The following ABTB3 variants were observed in gnomAD, a reference collection of about 807,000 sequenced individuals.
The protein encoded by ABTB3 is ankyrin repeat- and BTB/POZ domain-containing protein 3.
chr12:107,479,381 C>T, the ABTB3 span, among the ~76,000 whole-genome samples: 1,144 of 151,932 alleles, frequency 7.5e-3, 24 homozygotes, highest in African/African-American at 0.026. Context: ...AATCCCAGCT[C>T]AGCTCTGTGA....
the ABTB3 span, among the ~76,000 whole-genome samples, chr12:107,330,189 C>G: frequency 6.6e-6 from 1 of 152,064 alleles, no homozygotes; most frequent in African/African-American, 2.4e-5. Flanking sequence ...AGGGAGGGAG[C>G]CTGGTAGAGG....
chr12:107,650,119 C>T, the ABTB3 span: 3 of 152,180 alleles, frequency 2.0e-5, no homozygotes, highest in Non-Finnish European at 4.4e-5. Context: ...AAGAGCAGAC[C>T]TCACACAGTG....
the ABTB3 span, among the ~76,000 whole-genome samples, chr12:107,415,987 A>G: frequency 3.9e-4 from 59 of 152,050 alleles, no homozygotes; most frequent in Non-Finnish European, 7.2e-4. Context: ...AAAAAAAGTG[A>G]CTGGCATTTT....
chr12:107,392,566 C>G, the ABTB3 span, among the ~76,000 whole-genome samples: 4 of 152,198 alleles, frequency 2.6e-5, no homozygotes, highest in South Asian at 2.1e-4. Flanking sequence ...GTGGGACCCT[C>G]TCTTTGCCAG....
At chr12:107,430,096 T>TATGC in the ABTB3 span, among the ~76,000 whole-genome samples, 2 of 152,206 alleles carry the variant, frequency 1.3e-5, no homozygotes, top group Non-Finnish European at 2.9e-5. Context: ...ATGCATACTG[T>TATGC]TTGTATTGTT....
the ABTB3 span, chr12:107,520,442 A>G: frequency 1.9e-6 from 3 of 1,595,196 alleles, no homozygotes; most frequent in Middle Eastern, 1.7e-4. Flanking sequence ...ACTGAAAAAT[A>G]ACAATCTGTT....
the ABTB3 span, among the ~76,000 whole-genome samples, chr12:107,394,705 A>G: frequency 6.6e-6 from 1 of 152,198 alleles, no homozygotes; most frequent in Non-Finnish European, 1.5e-5. Flanking sequence ...TTGTTTTGCT[A>G]TTTAAATAAG....
the ABTB3 span, among the ~76,000 whole-genome samples, chr12:107,328,920 A>T: frequency 3.3e-5 from 5 of 152,046 alleles, no homozygotes; most frequent in Admixed American, 1.3e-4. Flanking sequence ...TGCGCATAAT[A>T]TGTGGTCGCA....
chr12:107,617,615 G>A, the ABTB3 span: 1 of 686,238 alleles, frequency 1.5e-6, no homozygotes, highest in Non-Finnish European at 2.4e-6. Context: ...CCAACTCCAT[G>A]CAGTGCACAT....
the ABTB3 span, among the ~76,000 whole-genome samples, chr12:107,337,027 C>T: frequency 6.6e-6 from 1 of 152,218 alleles, no homozygotes. Context: ...CTTTGAAGAA[C>T]AGAAAGGAAA....
chr12:107,501,705 C>CA, the ABTB3 span, among the ~76,000 whole-genome samples: 2 of 150,708 alleles, frequency 1.3e-5, no homozygotes, highest in East Asian at 1.9e-4. Context: ...ATCTCAAAAA[C>CA]AAAAAAAAGA....
chr12:107,481,890 T>C, the ABTB3 span, among the ~76,000 whole-genome samples: 1 of 115,022 alleles, frequency 8.7e-6, no homozygotes, highest in South Asian at 2.8e-4. Flanking sequence ...AGAGTCTCTC[T>C]CTCTCTCTCT....
the ABTB3 span, among the ~76,000 whole-genome samples, chr12:107,624,525 C>A: frequency 2.6e-5 from 4 of 152,160 alleles, no homozygotes; most frequent in Non-Finnish European, 5.9e-5. Flanking sequence ...CAGCCCCTAC[C>A]TAGCCACCAT....
the ABTB3 span, chr12:107,318,705 A>G: frequency 4.1e-6 from 2 of 488,342 alleles, no homozygotes; most frequent in Non-Finnish European, 7.2e-6. Flanking sequence ...CTCGCTCCCC[A>G]TTGCGCCCAG....
chr12:107,381,462 C>T, the ABTB3 span, among the ~76,000 whole-genome samples: 1 of 152,326 alleles, frequency 6.6e-6, no homozygotes, highest in Middle Eastern at 3.4e-3. Context: ...GGGCTGCCTA[C>T]ACTGGCACCC....
At chr12:107,430,615 A>C in the ABTB3 span, among the ~76,000 whole-genome samples, 6 of 152,210 alleles carry the variant, frequency 3.9e-5, no homozygotes, top group Admixed American at 3.3e-4. Flanking sequence ...CCCTTTCTCA[A>C]TGTATTGGCT....
chr12:107,634,445 A>C, the ABTB3 span, among the ~76,000 whole-genome samples: 1 of 152,246 alleles, frequency 6.6e-6, no homozygotes, highest in Non-Finnish European at 1.5e-5. Flanking sequence ...CCAAAAAGAC[A>C]TGGTACAAAC....
the ABTB3 span, among the ~76,000 whole-genome samples, chr12:107,395,703 T>C: frequency 0.43 from 65,340 of 152,092 alleles, 14,409 homozygotes; most frequent in Middle Eastern, 0.53. Context: ...AAGAGTGCCA[T>C]CCACCCCCAG....
the ABTB3 span, among the ~76,000 whole-genome samples, chr12:107,390,706 G>A: frequency 0.14 from 21,230 of 152,186 alleles, 1,915 homozygotes; most frequent in African/African-American, 0.24. Flanking sequence ...GATGATCTTG[G>A]AGGCTGTTCC....
Sources: allele counts gnomAD v4.1 joint callset (sites outside exome capture counted in the v4.1 genomes callset), GRCh38; gene constraint gnomAD v4.1.1; transcripts MANE v1.5; gene names NCBI Gene and HGNC (gene_info 2026-07-23, HGNC 2026-07-21).